VANGL1: variants seen among roughly 807,000 people sequenced by gnomAD.
VANGL1 encodes the protein vang-like protein 1.
Under a neutral mutation model 48.4 loss-of-function variants are expected in VANGL1, and 18 were observed. The observed-to-expected ratio is 0.37, with a 90% CI of 0.26 to 0.55. VANGL1 has a LOEUF of 0.55. VANGL1 is among the 20% of genes least tolerant of loss of function. The probability of loss-of-function intolerance (pLI) is 0.81; values close to 1 mark genes in which losing one functional copy is unlikely to be tolerated. For synonymous variants in VANGL1, 257 were observed against 261.8 expected (o/e 0.98, Z 0.18); for missense variants, 667 against 675.8 (o/e 0.99, Z 0.14).
At chr1:115,665,758 G>A (rs1000907932) in intron 4 of VANGL1, among the ~76,000 whole-genome samples, 13 of 152,346 alleles carry the variant, frequency 8.5e-5, no homozygotes, top group East Asian at 3.9e-4. Flanking sequence ...GTAGGTCACC[G>A]CTTTGCTGCA....
chr1:115,682,799 T>C (rs972754436), intron 5 of VANGL1, among the ~76,000 whole-genome samples: 3 of 152,176 alleles, frequency 2.0e-5, no homozygotes, highest in Admixed American at 1.3e-4. Flanking sequence ...AAGGGTTGCT[T>C]TTCAAAATTG....
chr1:115,660,268 C>G (rs1386736269), intron 3 of VANGL1, among the ~76,000 whole-genome samples: 1 of 152,112 alleles, frequency 6.6e-6, no homozygotes, highest in Non-Finnish European at 1.5e-5. Context: ...ATTAACCTAG[C>G]TTTGGGTTAA....
rs1173932187 is a variant in VANGL1, at chr1:115,696,849, T to G, written c.*5470T>G. ...TCTCAGCTTACAAACATCAGCGTTT[T>G]GTCCTTGTCATAGTGGAAGAAAGAC... On this transcript the variant is annotated 3_prime_UTR_variant, in exon 8 of 8. Coordinates refer to ENST00000355485, the MANE Select transcript of VANGL1 (RefSeq NM_138959.3). The G allele has an allele frequency of 1.3e-5, 2 of 152,222 alleles. No individual in the cohort carries two copies. The highest frequency in any genetic ancestry group is 2.9e-5 in the Non-Finnish European group (2 of 68,036). 9.4% of individuals were successfully genotyped at this position (152,222 alleles called of 1,614,324 possible). A position where few individuals can be genotyped will look rare whatever the true frequency, so the allele number is the denominator to read the frequency against.
intron 2 of VANGL1, among the ~76,000 whole-genome samples, chr1:115,651,721 T>G (rs1225894067): frequency 1.3e-5 from 2 of 152,212 alleles, no homozygotes; most frequent in African/African-American, 4.8e-5. Context: ...AAATTAAAGT[T>G]TCTTCCTGCA....
intron 1 of VANGL1, among the ~76,000 whole-genome samples, chr1:115,648,218 G>A (rs1652010465): frequency 6.6e-6 from 1 of 152,224 alleles, no homozygotes; most frequent in Non-Finnish European, 1.5e-5. Context: ...ACTTAATATG[G>A]AGGTGGATGG....
chr1:115,681,151 G>A (rs1460649204), intron 4 of VANGL1, among the ~76,000 whole-genome samples: 2 of 152,176 alleles, frequency 1.3e-5, no homozygotes, highest in Non-Finnish European at 2.9e-5. Flanking sequence ...GAATGATTGT[G>A]AGGGTTAAAT....
At chr1:115,672,144 C>T (rs988993325) in intron 4 of VANGL1, among the ~76,000 whole-genome samples, 16 of 152,290 alleles carry the variant, frequency 1.1e-4, no homozygotes, top group African/African-American at 3.8e-4. Context: ...ATTAGGGACT[C>T]ATGGAGAAGT....
intron 4 of VANGL1, among the ~76,000 whole-genome samples, chr1:115,679,605 A>G (rs1353524494): frequency 1.3e-5 from 2 of 152,216 alleles, no homozygotes; most frequent in Non-Finnish European, 2.9e-5. Flanking sequence ...CACAGCCAGG[A>G]GGCTCCGACC....
intron 7 of VANGL1, among the ~76,000 whole-genome samples, chr1:115,686,448 A>G (rs1341353818): frequency 6.6e-6 from 1 of 151,084 alleles, no homozygotes; most frequent in Admixed American, 6.6e-5. Context: ...CTTTTAGATT[A>G]TGATATTTAG....
chr1:115,688,464 A>C lies in VANGL1; in HGVS notation c.1315-2655A>C, dbSNP rs558061426. On this transcript the variant is annotated intron_variant, in intron 7 of 7. Coordinates refer to ENST00000355485, the MANE Select transcript of VANGL1 (RefSeq NM_138959.3). ...AACAGAGCTGAGTAGTTGTGACAGA[A>C]TATGGCTTGAAACGCTGAAAATATT... 1.2e-3 allele frequency among the ~76,000 whole-genome samples: 169 copies of C among 139,204 alleles called. 37 individuals are homozygous for C. Among genetic ancestry groups the C allele is most frequent in the Admixed American group, 0.011 (146 of 13,546 alleles). The allele number at this position is 139,204 out of a possible 152,430, so 91.3% of individuals were successfully genotyped here.
chr1:115,651,624 T>A, intron 2 of VANGL1, 140 bp downstream of exon 2: 1 of 733,758 alleles, frequency 1.4e-6, no homozygotes, highest in Non-Finnish European at 2.4e-6. Context: ...TAAGAGCATT[T>A]AACATTCTTG....
chr1:115,675,710 G>A (rs963788622), intron 4 of VANGL1, among the ~76,000 whole-genome samples: 3 of 152,144 alleles, frequency 2.0e-5, no homozygotes, highest in Middle Eastern at 3.2e-3. Context: ...AGAATTGCTC[G>A]GACCTGGGAG....
chr1:115,642,077 C>T lies in VANGL1; in HGVS notation c.-147C>T, dbSNP rs1355053368. The T allele has an allele frequency of 6.6e-6, 1 of 151,482 alleles. No individual in the cohort carries two copies. Among genetic ancestry groups the T allele is most frequent in the Non-Finnish European group, 1.5e-5 (1 of 67,818 alleles). The allele number at this position is 151,482 out of a possible 1,614,324, so 9.4% of individuals were successfully genotyped here. On this transcript the variant is annotated 5_prime_UTR_variant, in exon 1 of 8. Coordinates refer to ENST00000355485, the MANE Select transcript of VANGL1 (RefSeq NM_138959.3). ...CCGCGGGCCGCGGAGCTCGGGCGGCCGGCGCGGAGGTGAGTCCCGCGAGAG... is the reference window on the plus strand; with the variant it reads ...CCGCGGGCCGCGGAGCTCGGGCGGCTGGCGCGGAGGTGAGTCCCGCGAGAG...
intron 4 of VANGL1, among the ~76,000 whole-genome samples, chr1:115,664,574 C>A (rs1209058481): frequency 6.6e-6 from 1 of 152,200 alleles, no homozygotes; most frequent in Non-Finnish European, 1.5e-5. Flanking sequence ...TGGCTGCCTT[C>A]TTTGACTCTG....
intron 5 of VANGL1, 136 bp downstream of exon 5, chr1:115,682,633 C>CT (rs1010841157): frequency 1.5e-6 from 2 of 1,359,322 alleles, no homozygotes; most frequent in Admixed American, 1.9e-5. Flanking sequence ...AACAATTTCT[C>CT]TTTTTTATGT....
In VANGL1 at chr1:115,671,718, C is replaced by T. The variant is rs1246898118; in HGVS notation, c.812+7450C>T. Among the ~76,000 whole-genome samples the T allele has an allele frequency of 5.9e-5, 9 of 152,190 alleles. 1 individual carries two copies. The South Asian group carries it at 1.7e-3, about 28-fold the overall frequency. On this transcript the variant is annotated intron_variant, in intron 4 of 7. Coordinates refer to ENST00000355485, the MANE Select transcript of VANGL1 (RefSeq NM_138959.3). The stretch of plus-strand genomic sequence containing the variant: ...GTTGGACTGTGTAAGGAAATGGCAG[C>T]ATGGCGAGGTTTGTGCCGCGGCCTA...
In VANGL1 at chr1:115,693,269, A is replaced by AT. The variant is rs1437974978; in HGVS notation, c.*1894dup. 6.6e-6 allele frequency: 1 copy of AT among 152,580 alleles called. No homozygotes were observed. Among genetic ancestry groups the AT allele is most frequent in the Non-Finnish European group, 1.5e-5 (1 of 68,020 alleles). The allele number at this position is 152,580 out of a possible 1,614,324, so 9.5% of individuals were successfully genotyped here. A position where few individuals can be genotyped will look rare whatever the true frequency, so the allele number is the denominator to read the frequency against. On this transcript the variant is annotated 3_prime_UTR_variant, in exon 8 of 8. Transcript: ENST00000355485. ...CCTTACAATATCTTTCTCAGGAAAT[A>AT]TTTTGGGAAATGGGGTAAGAGATGG...
chr1:115,643,166 T>C (rs1211644493), intron 1 of VANGL1, among the ~76,000 whole-genome samples: 1 of 152,220 alleles, frequency 6.6e-6, no homozygotes, highest in Non-Finnish European at 1.5e-5. Flanking sequence ...AATGTATTCT[T>C]AGACACTTAG....
chr1:115,695,033 G>A lies in VANGL1; in HGVS notation c.*3654G>A, dbSNP rs527906978. ...TCCCTCACTGACACTGGCTTCTCCC[G>A]CTAGAGTAAATGGCTTTAGCACAGC... On this transcript the variant is annotated 3_prime_UTR_variant, in exon 8 of 8. Coordinates refer to ENST00000355485, the MANE Select transcript of VANGL1 (RefSeq NM_138959.3). 3 of 152,142 alleles carry A rather than the reference G, an allele frequency of 2.0e-5. 1 individual carries two copies. In the South Asian group the frequency reaches 6.2e-4, roughly 32 times the overall value. 9.4% of individuals were successfully genotyped at this position (152,142 alleles called of 1,614,324 possible).
Sources: allele counts gnomAD v4.1 joint callset (sites outside exome capture counted in the v4.1 genomes callset), GRCh38; gene constraint gnomAD v4.1.1; transcripts MANE v1.5; gene names NCBI Gene and HGNC (gene_info 2026-07-23, HGNC 2026-07-21).